The following P4HA3 variants were observed in gnomAD, a reference collection of about 807,000 sequenced individuals.
P4HA3 encodes prolyl 4-hydroxylase subunit alpha-3.
Under a neutral mutation model 66.7 loss-of-function variants are expected in P4HA3, and 60 were observed. The observed-to-expected ratio is 0.90, with a 90% CI of 0.73 to 1.12. The LOEUF (loss-of-function observed/expected upper bound fraction) is 1.12. Ranked by LOEUF, P4HA3 falls within the 50% of genes most tolerant of loss-of-function variation. P4HA3 has a pLI of 0.00. For synonymous variants in P4HA3, 263 were observed against 274.6 expected, an observed-to-expected ratio of 0.96 and a Z score of 0.42; for missense variants, 683 against 685.8, an observed-to-expected ratio of 1.00 and a Z score of 0.05.
intron 4 of P4HA3, among the ~76,000 whole-genome samples, chr11:74,292,097 C>T (rs1861049751): frequency 1.3e-5 from 2 of 152,132 alleles, no homozygotes; most frequent in South Asian, 4.2e-4. Context: ...GGTTGGTAAG[C>T]TATTGATTAT....
intron 15 of P4HA3, chr11:74,251,184 ATGG>A: frequency 6.9e-7 from 1 of 1,458,630 alleles, no homozygotes; most frequent in Admixed American, 2.4e-5. Flanking sequence ...GCAGCTGCTT[ATGG>A]TATTGGTTTT....
intron 7 of P4HA3, among the ~76,000 whole-genome samples, chr11:74,281,900 A>ATAATAATAATAT (rs1565410823): frequency 6.9e-6 from 1 of 144,480 alleles, no homozygotes; most frequent in African/African-American, 2.5e-5. Flanking sequence ...AATAATAATA[A>ATAATAATAATAT]AAGTTTGGGA....
chr11:74,279,295 G>T, intron 8 of P4HA3, 93 bp downstream of exon 8: 1 of 1,164,728 alleles, frequency 8.6e-7, no homozygotes, highest in Non-Finnish European at 1.3e-6. Flanking sequence ...CTCCACCTCT[G>T]GAGGTCCCTG....
At chr11:74,290,621 A>G (rs1222702302) in intron 4 of P4HA3, among the ~76,000 whole-genome samples, 2 of 151,870 alleles carry the variant, frequency 1.3e-5, no homozygotes, top group African/African-American at 4.8e-5. Flanking sequence ...TAATTTTTGT[A>G]TAAGGTGTAA....
In P4HA3 at chr11:74,267,030, A is replaced by G; in HGVS notation, c.*218T>C. 6.5e-7 allele frequency: 1 copy of G among 1,532,866 alleles called. No individual in the cohort carries two copies. Among genetic ancestry groups the G allele is most frequent in the Non-Finnish European group, 8.7e-7 (1 of 1,144,916 alleles). 95.0% of individuals were successfully genotyped at this position (1,532,866 alleles called of 1,614,324 possible). On this transcript the variant is annotated 3_prime_UTR_variant, in exon 13 of 13. Transcript: ENST00000331597. ...CACTCCCCCCTCCTTTGTACTGTGC[A>G]TCCTACTCTGACTTCCGTGGCTGGG...
At chr11:74,262,026 G>A (rs547536112), downstream of P4HA3, among the ~76,000 whole-genome samples, 23 of 152,258 alleles carry the variant, frequency 1.5e-4, no homozygotes, top group Admixed American at 1.2e-3. Context: ...GTCCCATAAC[G>A]TGATAAGCAG....
intron 9 of P4HA3, 118 bp downstream of exon 9, chr11:74,276,867 C>T (rs916984649): frequency 2.6e-6 from 3 of 1,139,506 alleles, no homozygotes; most frequent in African/African-American, 1.6e-5. Flanking sequence ...GGAAAAAGAA[C>T]CTTTGTTCTA....
At chr11:74,293,560 G>T (rs1298439037) in intron 4 of P4HA3, among the ~76,000 whole-genome samples, 1 of 152,190 alleles carries the variant, frequency 6.6e-6, no homozygotes, top group Non-Finnish European at 1.5e-5. Context: ...TTTACAATTT[G>T]ACATGTTTTT....
At chr11:74,307,935 C>T (rs987666225) in intron 1 of P4HA3, among the ~76,000 whole-genome samples, 2 of 152,128 alleles carry the variant, frequency 1.3e-5, no homozygotes, top group African/African-American at 4.8e-5. Flanking sequence ...CTCTCTCACT[C>T]TTGGTGGTGT....
At chr11:74,285,091 AAATAT>A (rs1263208370) in intron 7 of P4HA3, among the ~76,000 whole-genome samples, 1 of 152,048 alleles carries the variant, frequency 6.6e-6, no homozygotes, top group African/African-American at 2.4e-5. Flanking sequence ...ATTAACAATA[AAATAT>A]AATAATAATA....
At position 74,311,420 on chromosome 11, in the gene P4HA3, G is replaced by A. The variant is rs1046754753; in HGVS notation, c.192C>T (p.Asp64=). The change falls in exon 1 of 13, where the codon GAC becomes GAT. Residue 64 remains aspartate, a synonymous_variant. Coordinates refer to ENST00000331597, the MANE Select transcript of P4HA3 (RefSeq NM_182904.5). ...YLRGEEARLR[D]LTRFYDKVLS... ...ACTCGTCGTGCCCTCACCTAGTCAG[G>A]TCCCGCAGCCGCGCCTCCTCCCCGC... 8.5e-6 allele frequency: 13 copies of A among 1,526,814 alleles called. No homozygotes were observed. Among genetic ancestry groups the A allele is most frequent in the African/African-American group, 1.4e-5 (1 of 71,210 alleles). 94.6% of individuals were successfully genotyped at this position (1,526,814 alleles called of 1,614,324 possible). A position where few individuals can be genotyped will look rare whatever the true frequency, so the allele number is the denominator to read the frequency against.
At chr11:74,250,779 A>G (rs1859636635) in intron 15 of P4HA3, 1 of 593,114 alleles carries the variant, frequency 1.7e-6, no homozygotes, top group East Asian at 2.8e-5. Context: ...TGATTGGCGC[A>G]AGGTTACAAT....
chr11:74,296,731 T>G (rs549978151), intron 4 of P4HA3, among the ~76,000 whole-genome samples: 1 of 152,164 alleles, frequency 6.6e-6, no homozygotes, highest in African/African-American at 2.4e-5. Context: ...GGTACAACAT[T>G]TGAAACTCCG....
intron 15 of P4HA3, among the ~76,000 whole-genome samples, chr11:74,256,131 C>G (rs780180321): frequency 1.1e-4 from 16 of 152,308 alleles, no homozygotes; most frequent in Non-Finnish European, 2.1e-4. Context: ...CAGACAGGTC[C>G]AAATTCTACA....
intron 5 of P4HA3, chr11:74,287,440 G>T: frequency 2.4e-6 from 2 of 842,530 alleles, no homozygotes; most frequent in Non-Finnish European, 3.4e-6. Flanking sequence ...AACTTGCCAT[G>T]TTCTATTATC....
At chr11:74,282,095 C>T (rs76428354) in intron 7 of P4HA3, among the ~76,000 whole-genome samples, 5,938 of 149,466 alleles carry the variant, frequency 0.04, 126 homozygotes, top group Middle Eastern at 0.11. Flanking sequence ...AAGAGAGATG[C>T]TCCCTTCTGT....
Position 74,260,496 on chromosome 11 carries a change from T to C in P4HA3, c.*1105-360A>G, listed in dbSNP as rs762522577. ...GGGAGGGGGGCCCCTTAGGGGACCATGTACAATTTTTAAAAGAAGATTTAA... is the reference window on the plus strand; with the variant it reads ...GGGAGGGGGGCCCCTTAGGGGACCACGTACAATTTTTAAAAGAAGATTTAA... On this transcript the variant is annotated intron_variant and NMD_transcript_variant, in intron 14 of 15. Transcript: ENST00000524388. Among the ~76,000 whole-genome samples, 65 of 152,222 alleles carry C rather than the reference T, an allele frequency of 4.3e-4. 1 individual carries two copies. The highest frequency in any genetic ancestry group is 6.8e-4 in the Non-Finnish European group (46 of 68,034).
At chr11:74,306,538 A>C (rs1326770583) in intron 1 of P4HA3, among the ~76,000 whole-genome samples, 1 of 152,210 alleles carries the variant, frequency 6.6e-6, no homozygotes, top group Non-Finnish European at 1.5e-5. Flanking sequence ...GTTTGTGCAA[A>C]GTGAAAAAAA....
At chr11:74,301,622 T>C (rs1861409369) in intron 3 of P4HA3, among the ~76,000 whole-genome samples, 1 of 152,222 alleles carries the variant, frequency 6.6e-6, no homozygotes, top group Non-Finnish European at 1.5e-5. Context: ...CTTACTGCAA[T>C]AAACATCTTC....
Sources: gnomAD v4.1 joint callset for allele counts (sites outside exome capture counted in the v4.1 genomes callset) on GRCh38, gnomAD v4.1.1 for gene constraint, MANE v1.5 for transcripts, NCBI Gene and HGNC (gene_info 2026-07-23, HGNC 2026-07-21) for gene names.